Variants in COL19A1 observed in about 807,000 individuals in gnomAD.
The protein encoded by COL19A1 is collagen alpha-1(XIX) chain.
Under a neutral mutation model 190.2 loss-of-function variants are expected in COL19A1, and 159 were observed. That is an observed-to-expected ratio of 0.84 (90% CI 0.73 to 0.95). COL19A1 has a LOEUF of 0.95. Ranked by LOEUF, COL19A1 falls within the 40% of genes least tolerant of loss-of-function variation. The pLI is 0.00. For missense variants in COL19A1, 1,418 were observed against 1,431.9 expected (o/e 0.99, Z 0.16); for synonymous variants, 509 against 458.9 (o/e 1.11, Z -1.39).
intron 49 of COL19A1, among the ~76,000 whole-genome samples, chr6:70,205,190 CT>C (rs34967663): frequency 6.6e-6 from 1 of 152,190 alleles, no homozygotes; most frequent in South Asian, 2.1e-4. Context: ...AACATATATT[CT>C]TTTTTCCACT....
At chr6:70,184,672 T>C in intron 44 of COL19A1, 31 bp from the exon 45 acceptor site, 1 of 1,546,726 alleles carries the variant, frequency 6.5e-7, no homozygotes, top group Non-Finnish European at 8.9e-7. Context: ...TAATGCAGAG[T>C]TAGAAATATT....
intron 14 of COL19A1, among the ~76,000 whole-genome samples, chr6:70,039,529 A>T (rs765087197): frequency 6.6e-6 from 1 of 152,238 alleles, no homozygotes; most frequent in Non-Finnish European, 1.5e-5. Context: ...TGACAACTTC[A>T]GGACACAGAA....
At chr6:70,069,674 G>A (rs754010934) in intron 15 of COL19A1, among the ~76,000 whole-genome samples, 19 of 152,218 alleles carry the variant, frequency 1.2e-4, no homozygotes, top group South Asian at 4.1e-4. Flanking sequence ...CTTTTGACTT[G>A]TACTACATGT....
chr6:70,038,065 C>T (rs1779447108), intron 14 of COL19A1, among the ~76,000 whole-genome samples: 1 of 152,134 alleles, frequency 6.6e-6, no homozygotes, highest in Non-Finnish European at 1.5e-5. Flanking sequence ...TTACAATACA[C>T]TAAATATTTA....
chr6:70,102,703 G>T (rs190962172), intron 16 of COL19A1, among the ~76,000 whole-genome samples: 3 of 152,032 alleles, frequency 2.0e-5, no homozygotes, highest in Admixed American at 1.3e-4. Context: ...TAGCTTATCT[G>T]GATCCTTTAC....
intron 15 of COL19A1, among the ~76,000 whole-genome samples, chr6:70,090,464 T>C (rs1010923549): frequency 5.3e-5 from 8 of 152,108 alleles, no homozygotes; most frequent in African/African-American, 1.9e-4. Flanking sequence ...TATATGCAGA[T>C]TCTATACCAT....
chr6:70,031,662 G>C (rs1191933086), intron 12 of COL19A1, among the ~76,000 whole-genome samples: 1 of 152,108 alleles, frequency 6.6e-6, no homozygotes, highest in Non-Finnish European at 1.5e-5. Context: ...TGGCTTAATA[G>C]TACTCCGTTG....
chr6:70,074,363 G>A (rs1258648166), intron 15 of COL19A1, among the ~76,000 whole-genome samples: 2 of 151,946 alleles, frequency 1.3e-5, no homozygotes, highest in Non-Finnish European at 1.5e-5. Context: ...GCTGGGCATG[G>A]TGGTGGGTGC....
chr6:70,133,239 A>G (rs967099902), intron 18 of COL19A1, among the ~76,000 whole-genome samples: 2 of 152,222 alleles, frequency 1.3e-5, no homozygotes, highest in African/African-American at 2.4e-5. Context: ...CTACTTCTCA[A>G]TGCACTGACC....
In COL19A1 at chr6:70,190,310, T is replaced by C. The variant is rs758474927; in HGVS notation, c.3028-5T>C. On this transcript the variant is annotated splice_region_variant and splice_polypyrimidine_tract_variant and intron_variant, in intron 47 of 50. Transcript: ENST00000620364. ...TTTTAACAACCTTTTTTTTTCCTTC[T>C]TCAGGCTGATGCAGTTTCATTTGAA... 12 of 1,597,452 alleles carry C rather than the reference T, an allele frequency of 7.5e-6. No individual in the cohort carries two copies. The highest frequency in any genetic ancestry group is 1.0e-5 in the Non-Finnish European group (12 of 1,167,000).
Position 70,151,503 on chromosome 6 carries a change from T to G in COL19A1, c.2079+65T>G, listed in dbSNP as rs1256717185. 3.3e-6 allele frequency: 5 copies of G among 1,510,708 alleles called. No homozygotes were observed. The Admixed American group carries it at 6.9e-5, about 21-fold the overall frequency. 93.6% of individuals were successfully genotyped at this position (1,510,708 alleles called of 1,614,324 possible). ...AGGAAAAATTAGAAAGAAAAATATT[T>G]AGCAGAAATTGAGTCAATTGCTTAG... On this transcript the variant is annotated intron_variant, in intron 31 of 50. Transcript: ENST00000620364.
intron 49 of COL19A1, among the ~76,000 whole-genome samples, chr6:70,204,317 T>G (rs1221716089): frequency 1.3e-5 from 2 of 152,046 alleles, no homozygotes; most frequent in African/African-American, 2.4e-5. Flanking sequence ...CTACAAGGAG[T>G]TTTGTTATGA....
At chr6:69,871,809 ATTTTTTTTT>A (rs556851857) in intron 1 of COL19A1, among the ~76,000 whole-genome samples, 4 of 110,392 alleles carry the variant, frequency 3.6e-5, no homozygotes, top group African/African-American at 1.4e-4. Context: ...CAAGTCCACC[ATTTTTTTTT>A]TTTTTTTTTT....
chr6:70,132,431 G>A (rs9454985), intron 18 of COL19A1, among the ~76,000 whole-genome samples: 2,816 of 152,184 alleles, frequency 0.019, 89 homozygotes, highest in African/African-American at 0.064. Flanking sequence ...CATGAGCATA[G>A]CAGTTGCTGG....
chr6:69,871,632 T>C (rs1464949066), intron 1 of COL19A1, among the ~76,000 whole-genome samples: 1 of 152,168 alleles, frequency 6.6e-6, no homozygotes, highest in Non-Finnish European at 1.5e-5. Context: ...ATTTTGGTGT[T>C]GGCTTTAACA....
At chr6:69,892,200 C>CTGGCAGGAT (rs1338284961) in intron 2 of COL19A1, among the ~76,000 whole-genome samples, 3 of 152,180 alleles carry the variant, frequency 2.0e-5, no homozygotes, top group East Asian at 3.8e-4. Context: ...TCCCAACTGC[C>CTGGCAGGAT]TGGCAGGATT....
intron 2 of COL19A1, among the ~76,000 whole-genome samples, chr6:69,898,093 C>T (rs1769914072): frequency 1.3e-5 from 2 of 152,006 alleles, no homozygotes; most frequent in African/African-American, 4.8e-5. Context: ...GTTATTAAAC[C>T]CAAACATCAA....
chr6:70,140,225 T>A (rs920124743), intron 19 of COL19A1, among the ~76,000 whole-genome samples: 1 of 152,020 alleles, frequency 6.6e-6, no homozygotes, highest in African/African-American at 2.4e-5. Flanking sequence ...ATGGCCTATT[T>A]TTATTTGCAT....
rs1259672274 is a variant in COL19A1 at position 70,190,362 on chromosome 6, G to A, written c.3075G>A (p.Glu1025=). ...FEEIKKYINQ[E]VLRIFEERMA... ...AAATAAAGAAGTATATTAATCAAGA[G>A]GTCCTAAGGATTTTTGAAGGTTAGA... is the stretch of plus-strand genomic sequence containing the variant. The change falls in exon 48 of 51, where the codon GAG becomes GAA. Residue 1025 remains glutamate, a synonymous_variant. Transcript: ENST00000620364. 3.7e-6 allele frequency: 6 copies of A among 1,603,200 alleles called. No homozygotes were observed. The Admixed American group carries it at 6.8e-5, about 18-fold the overall frequency.
Sources: gnomAD v4.1 joint callset for allele counts (sites outside exome capture counted in the v4.1 genomes callset) on GRCh38, gnomAD v4.1.1 for gene constraint, MANE v1.5 for transcripts, NCBI Gene and HGNC (gene_info 2026-07-23, HGNC 2026-07-21) for gene names.